ECPAS: variants seen among roughly 807,000 people sequenced by gnomAD.
ECPAS encodes the protein Ecm29 proteasome adaptor and scaffold, also known as proteasome adapter and scaffold protein ECM29.
A neutral mutation model predicts 255.1 loss-of-function variants in ECPAS; 70 were observed. The ratio of observed to expected loss-of-function variants is 0.27; its 90% CI spans 0.23 to 0.33. The LOEUF (loss-of-function observed/expected upper bound fraction) is 0.33, where lower values mean the gene tolerates loss of function less well. Among genes scored for constraint, ECPAS ranks in the 10% least tolerant of loss-of-function variants. ECPAS has a pLI of 1.00. For synonymous variants in ECPAS, 784 were observed against 775.0 expected (o/e 1.01, Z -0.19); for missense variants, 1,817 against 2,206.4 (o/e 0.82, Z 3.54).
At position 111,440,413 on chromosome 9, in the gene ECPAS, C is replaced by G; in HGVS notation, c.498G>C (p.Leu166=). The change falls in exon 6 of 50, where the codon CTG becomes CTC. Residue 166 remains leucine (L), a synonymous_variant. Transcript: ENST00000684092. ...GGACATCTAGCATGAAGTCCAAAAG[C>G]AGCTGCACAGTCTTTGGTTTCTCAG... The part of the protein sequence containing the change: ...NLAEKPKTVQ[L]LLDFMLDVLL... 6.2e-7 allele frequency: 1 copy of G among 1,613,484 alleles called. No homozygotes were observed.
chr9:111,384,708 G>C, intron 33 of ECPAS, 139 bp from the exon 34 acceptor site: 1 of 716,504 alleles, frequency 1.4e-6, no homozygotes, highest in South Asian at 1.7e-5. Context: ...TAAAAAAATT[G>C]GTATCTCATC....
intron 1 of ECPAS, among the ~76,000 whole-genome samples, chr9:111,473,642 T>A (rs1232497201): frequency 1.3e-5 from 2 of 152,126 alleles, no homozygotes; most frequent in South Asian, 4.1e-4. Flanking sequence ...CCGCAATCCA[T>A]GTGCCAAGAT....
chr9:111,369,485 T>G (rs2098124770), intron 45 of ECPAS, among the ~76,000 whole-genome samples: 1 of 152,218 alleles, frequency 6.6e-6, no homozygotes, highest in South Asian at 2.1e-4. Flanking sequence ...AACTCAGTAA[T>G]GATCTAAATC....
rs774446550 is a variant in ECPAS, at chr9:111,397,147, G to C, written c.2659C>G (p.Gln887Glu). The C allele has an allele frequency of 4.3e-6, 7 of 1,613,586 alleles. No homozygotes were observed. The East Asian group carries it at 8.9e-5, about 21-fold the overall frequency. Reference protein sequence around the residue: ...QGLMDSVEAKQIELQFTIGEA... With the variant: ...QGLMDSVEAKEIELQFTIGEA... ...CCAATAGTGAACTGAAGTTCTATCT[G>C]CTTGGCCTGCAACGAAGGAAGTAAA... The change falls in exon 25 of 50, where the codon CAG becomes GAG. Residue 887 changes from glutamine (Q) to glutamate (E), a missense_variant. By Grantham distance (29) the Gln-to-Glu change is conservative. Transcript: ENST00000684092.
In ECPAS at chr9:111,361,878, G is replaced by A. The variant is rs2098113672; in HGVS notation, c.*152C>T. The stretch of plus-strand genomic sequence containing the variant: ...CATAAAGTAAAATAAAGCTAATAAG[G>A]AACAAAATTTAAGGCTTTTTCTTTT... On this transcript the variant is annotated 3_prime_UTR_variant, in exon 50 of 50. Transcript: ENST00000684092. 3.3e-6 allele frequency: 3 copies of A among 896,590 alleles called. No individual in the cohort carries two copies. Among genetic ancestry groups the A allele is most frequent in the Middle Eastern group, 3.8e-4 (1 of 2,614 alleles). The allele number at this position is 896,590 out of a possible 1,614,324, so 55.5% of individuals were successfully genotyped here. A position where few individuals can be genotyped will look rare whatever the true frequency, so the allele number is the denominator to read the frequency against.
intron 2 of ECPAS, among the ~76,000 whole-genome samples, chr9:111,466,265 G>GTC (rs1461748863): frequency 6.6e-6 from 1 of 151,974 alleles, no homozygotes; most frequent in South Asian, 2.1e-4. Context: ...GGCCAACATG[G>GTC]TGAAACCCAT....
intron 3 of ECPAS, among the ~76,000 whole-genome samples, chr9:111,447,490 T>G (rs1442675157): frequency 6.6e-6 from 1 of 152,198 alleles, no homozygotes; most frequent in African/African-American, 2.4e-5. Flanking sequence ...GCGAATTTCC[T>G]AAATATGGTT....
chr9:111,475,988 T>TG lies in ECPAS; in HGVS notation c.-82-2989_-82-2988insC, dbSNP rs2098295791. ...CACAGAATCATGTTCAACACACAGC[T>TG]TCCCAAATCTCATCCTCTAAAAGAG... On this transcript the variant is annotated intron_variant, in intron 1 of 49. Coordinates refer to ENST00000684092, the MANE Select transcript of ECPAS (RefSeq NM_001364929.1). Among the ~76,000 whole-genome samples the TG allele has an allele frequency of 3.9e-5, 6 of 152,290 alleles. No homozygotes were observed. In the South Asian group the frequency reaches 1.2e-3, roughly 32 times the overall value.
At chr9:111,376,353 G>A in intron 37 of ECPAS, 123 bp downstream of exon 37, 1 of 712,728 alleles carries the variant, frequency 1.4e-6, no homozygotes, top group South Asian at 1.7e-5. Flanking sequence ...AAAAACTGGA[G>A]TCACAACAGC....
chr9:111,475,208 T>C (rs550281107), intron 1 of ECPAS, among the ~76,000 whole-genome samples: 1 of 152,328 alleles, frequency 6.6e-6, no homozygotes, highest in East Asian at 1.9e-4. Flanking sequence ...TTTAAAAGTC[T>C]GCTTATTGAA....
intron 17 of ECPAS, 26 bp from the exon 18 acceptor site, chr9:111,416,378 C>T (rs2098203529): frequency 6.4e-7 from 1 of 1,568,556 alleles, no homozygotes; most frequent in Non-Finnish European, 8.8e-7. Context: ...CCAAAACAGA[C>T]ACAATTACTG....
chr9:111,479,606 C>CA (rs1283305242), intron 1 of ECPAS, among the ~76,000 whole-genome samples: 2 of 150,800 alleles, frequency 1.3e-5, no homozygotes, highest in African/African-American at 2.4e-5. Context: ...AAAAAGACAA[C>CA]AAAAAAAATT....
At chr9:111,483,170 C>T (rs904840650) in intron 1 of ECPAS, among the ~76,000 whole-genome samples, 1 of 152,130 alleles carries the variant, frequency 6.6e-6, no homozygotes, top group South Asian at 2.1e-4. Context: ...CCCGTCACCC[C>T]GGGGCTCCGG....
At chr9:111,365,795 A>G (rs2098119749) in intron 48 of ECPAS, 1 of 157,284 alleles carries the variant, frequency 6.4e-6, no homozygotes, top group South Asian at 2.0e-4. Flanking sequence ...GTACCGTGGC[A>G]CACTAAATAA....
At chr9:111,444,623 A>T in intron 3 of ECPAS, 129 bp from the exon 4 acceptor site, 1 of 648,010 alleles carries the variant, frequency 1.5e-6, no homozygotes, top group Non-Finnish European at 2.7e-6. Context: ...AAGGGTATAA[A>T]TTTTACATCC....
chr9:111,380,432 T>G (rs868166638), intron 35 of ECPAS, among the ~76,000 whole-genome samples: 1 of 152,224 alleles, frequency 6.6e-6, no homozygotes, highest in Non-Finnish European at 1.5e-5. Context: ...TGTTAACAGA[T>G]AAGCTGTCAT....
chr9:111,410,343 A>G, intron 22 of ECPAS, 130 bp from the exon 23 acceptor site: 2 of 667,414 alleles, frequency 3.0e-6, no homozygotes, highest in East Asian at 2.9e-5. Flanking sequence ...CTTCTAGTTG[A>G]CAATTTGCCA....
chr9:111,442,149 G>A (rs756691413), intron 5 of ECPAS, among the ~76,000 whole-genome samples, 157 bp downstream of exon 5: 2 of 152,088 alleles, frequency 1.3e-5, no homozygotes, highest in East Asian at 1.9e-4. Flanking sequence ...TTAACAAAAC[G>A]GTAACTTTGA....
intron 5 of ECPAS, among the ~76,000 whole-genome samples, chr9:111,441,400 G>C (rs1201890733): frequency 6.6e-6 from 1 of 151,532 alleles, no homozygotes; most frequent in Non-Finnish European, 1.5e-5. Flanking sequence ...AGCTACTCAG[G>C]AGGCTAAGGC....
Sources: allele counts gnomAD v4.1 joint callset (sites outside exome capture counted in the v4.1 genomes callset), GRCh38; gene constraint gnomAD v4.1.1; transcripts MANE v1.5; gene names NCBI Gene and HGNC (gene_info 2026-07-23, HGNC 2026-07-21).